The following RABGAP1L variants were observed in gnomAD, a reference collection of about 807,000 sequenced individuals.
The protein encoded by RABGAP1L is rab GTPase-activating protein 1-like.
RABGAP1L carries 63 observed loss-of-function variants against 137.7 expected under a neutral mutation model. The ratio of observed to expected loss-of-function variants is 0.46; its 90% CI spans 0.37 to 0.56. The LOEUF is 0.56. RABGAP1L is among the 20% of genes least tolerant of loss of function. The pLI, the probability that RABGAP1L is intolerant of heterozygous loss-of-function variation, is 0.00. For missense variants in RABGAP1L, 1,095 were observed against 1,244.0 expected (o/e 0.88, Z 1.80); for synonymous variants, 431 against 433.7 (o/e 0.99, Z 0.08).
At chr1:174,860,219 T>C (rs1650056182) in intron 19 of RABGAP1L, among the ~76,000 whole-genome samples, 1 of 152,082 alleles carries the variant, frequency 6.6e-6, no homozygotes, top group African/African-American at 2.4e-5. Context: ...AGTAAGGGGA[T>C]TAGAAATTGT....
In RABGAP1L at chr1:174,835,302, C is replaced by T. The variant is rs537689128; in HGVS notation, c.2340+23342C>T. Among the ~76,000 whole-genome samples, 4 of 152,152 alleles carry T rather than the reference C, an allele frequency of 2.6e-5. No individual in the cohort carries two copies. In the South Asian group the frequency reaches 8.3e-4, roughly 32 times the overall value. On this transcript the variant is annotated intron_variant, in intron 19 of 25. Transcript: ENST00000681986. ...TAAAGAATGCTAATGGAGATGGTACCACTGATATAATAAAACTAAAGAGGT... is the reference window on the plus strand; with the variant it reads ...TAAAGAATGCTAATGGAGATGGTACTACTGATATAATAAAACTAAAGAGGT...
intron 14 of RABGAP1L, among the ~76,000 whole-genome samples, chr1:174,662,835 T>C (rs900339215): frequency 3.9e-5 from 6 of 152,208 alleles, no homozygotes; most frequent in Non-Finnish European, 7.3e-5. Flanking sequence ...ATGTGGGTGT[T>C]TGTGTCTTCA....
At chr1:174,244,372 A>G (rs1207608407) in intron 5 of RABGAP1L, 1 of 152,258 alleles carries the variant, frequency 6.6e-6, no homozygotes, top group African/African-American at 2.4e-5. Flanking sequence ...CATGGCTGCC[A>G]CTACTGTCAC....
At chr1:174,248,361 T>C (rs1222245138) in intron 5 of RABGAP1L, among the ~76,000 whole-genome samples, 1 of 152,238 alleles carries the variant, frequency 6.6e-6, no homozygotes, top group Non-Finnish European at 1.5e-5. Context: ...TTTATTGTCT[T>C]AATTATATAA....
At chr1:174,453,894 C>A (rs1655727609) in intron 13 of RABGAP1L, among the ~76,000 whole-genome samples, 1 of 151,912 alleles carries the variant, frequency 6.6e-6, no homozygotes, top group South Asian at 2.1e-4. Context: ...TTCTTCATGA[C>A]TATTTTGTTT....
chr1:174,664,729 GCTTT>G (rs1239077306), intron 14 of RABGAP1L, among the ~76,000 whole-genome samples: 6,104 of 85,352 alleles, frequency 0.072, 1,096 homozygotes, highest in African/African-American at 0.34. Context: ...CTTTCTTTCT[GCTTT>G]CTTTTTTTTT....
At chr1:174,161,336 G>A (rs1352237342) in intron 1 of RABGAP1L, among the ~76,000 whole-genome samples, 1 of 151,872 alleles carries the variant, frequency 6.6e-6, no homozygotes, top group Non-Finnish European at 1.5e-5. Flanking sequence ...TCCGCCTCCC[G>A]GGTTCAAGCG....
chr1:174,470,976 C>CT (rs966957462), intron 13 of RABGAP1L, among the ~76,000 whole-genome samples: 2 of 151,888 alleles, frequency 1.3e-5, no homozygotes, highest in Non-Finnish European at 2.9e-5. Context: ...ACATATTAAG[C>CT]TTTTTTGTAT....
chr1:174,645,146 A>T (rs556474991), intron 14 of RABGAP1L, among the ~76,000 whole-genome samples: 1 of 152,226 alleles, frequency 6.6e-6, no homozygotes, highest in Non-Finnish European at 1.5e-5. Context: ...TTTACTATAA[A>T]TATATATCAC....
intron 19 of RABGAP1L, among the ~76,000 whole-genome samples, chr1:174,917,031 C>T (rs1227103201): frequency 6.6e-6 from 1 of 152,148 alleles, no homozygotes; most frequent in Admixed American, 6.5e-5. Flanking sequence ...TGCAGATAGC[C>T]ACCTTTTTGT....
intron 18 of RABGAP1L, among the ~76,000 whole-genome samples, chr1:174,760,330 T>A (rs887591020): frequency 1.3e-5 from 2 of 151,994 alleles, no homozygotes; most frequent in African/African-American, 4.8e-5. Context: ...ATCCTCACCC[T>A]CCTCCACCCT....
intron 19 of RABGAP1L, among the ~76,000 whole-genome samples, chr1:174,841,104 A>ATCTCTT (rs1693348064): frequency 6.6e-6 from 1 of 152,194 alleles, no homozygotes; most frequent in African/African-American, 2.4e-5. Flanking sequence ...AGTTCATAAG[A>ATCTCTT]GATCAAGTGG....
intron 14 of RABGAP1L, among the ~76,000 whole-genome samples, chr1:174,642,366 T>C (rs1674594840): frequency 6.6e-6 from 1 of 152,176 alleles, no homozygotes; most frequent in African/African-American, 2.4e-5. Flanking sequence ...TAAAGTATTG[T>C]TTTGATACTA....
chr1:174,283,119 C>A (rs1675721082), intron 10 of RABGAP1L, among the ~76,000 whole-genome samples: 1 of 152,066 alleles, frequency 6.6e-6, no homozygotes, highest in South Asian at 2.1e-4. Context: ...AATGCATGCC[C>A]AGGCTGGACG....
intron 11 of RABGAP1L, among the ~76,000 whole-genome samples, chr1:174,347,609 C>T (rs1682565731): frequency 6.6e-6 from 1 of 152,102 alleles, no homozygotes; most frequent in African/African-American, 2.4e-5. Context: ...TCTCCTGCCT[C>T]TGCCTCCTGA....
intron 19 of RABGAP1L, among the ~76,000 whole-genome samples, chr1:174,888,041 G>GA (rs151334348): frequency 5.2e-4 from 75 of 143,546 alleles, no homozygotes; most frequent in African/African-American, 1.4e-3. Flanking sequence ...CATATCAAAA[G>GA]AAAAAAAAAA....
In RABGAP1L at chr1:174,989,859, A is replaced by C. The variant is rs1671940806; in HGVS notation, c.3014A>C (p.His1005Pro). The C allele has an allele frequency of 6.5e-7, 1 of 1,550,354 alleles. No individual in the cohort carries two copies. Among genetic ancestry groups the C allele is most frequent in the African/African-American group, 1.4e-5 (1 of 73,026 alleles). ...TCTTGCTTTAATTAGGAACTTGAACATCAGAGAGGAGCCCTTATGAATGAA... is the reference window on the plus strand; with the variant it reads ...TCTTGCTTTAATTAGGAACTTGAACCTCAGAGAGGAGCCCTTATGAATGAA... The part of the protein sequence containing the change: ...EAKCKIQELE[H>P]QRGALMNEIQ... The change falls in exon 26 of 26, where the codon CAT (histidine) becomes CCT (proline). Residue 1005 changes from histidine (H) to proline (P), a missense_variant. Physicochemically the swap from His to Pro is moderately conservative, Grantham distance 77. Transcript: ENST00000681986.
At chr1:174,288,164 C>T (rs1676241159) in intron 10 of RABGAP1L, among the ~76,000 whole-genome samples, 2 of 152,006 alleles carry the variant, frequency 1.3e-5, no homozygotes, top group Admixed American at 6.6e-5. Context: ...TATTGTGTGC[C>T]CATTAAAATT....
intron 19 of RABGAP1L, among the ~76,000 whole-genome samples, chr1:174,841,533 T>G (rs372373868): frequency 6.6e-6 from 1 of 151,828 alleles, no homozygotes; most frequent in East Asian, 1.9e-4. Context: ...GTTAGAAAAA[T>G]TATCAATAAA....
Sources: gnomAD v4.1 joint callset for allele counts (sites outside exome capture counted in the v4.1 genomes callset) on GRCh38, gnomAD v4.1.1 for gene constraint, MANE v1.5 for transcripts, NCBI Gene and HGNC (gene_info 2026-07-23, HGNC 2026-07-21) for gene names.